Variants in DCC observed in about 807,000 individuals in gnomAD.
The protein encoded by DCC is netrin receptor DCC.
Under a neutral mutation model 172.5 loss-of-function variants are expected in DCC, and 58 were observed. The observed-to-expected ratio is 0.34, with a 90% CI of 0.27 to 0.42. DCC has a LOEUF of 0.42. Ranked by LOEUF, DCC falls within the 10% of genes least tolerant of loss-of-function variation. The pLI, the probability that DCC is intolerant of heterozygous loss-of-function variation, is 1.00. For synonymous variants in DCC, 709 were observed against 644.5 expected, an observed-to-expected ratio of 1.10 and a Z score of -1.52; for missense variants, 1,740 against 1,791.0, an observed-to-expected ratio of 0.97 and a Z score of 0.51.
chr18:52,488,755 C>T (rs549539862), intron 1 of DCC, among the ~76,000 whole-genome samples: 13 of 152,058 alleles, frequency 8.5e-5, no homozygotes, highest in South Asian at 8.3e-4. Context: ...TGTTTCTAGG[C>T]AGGAGGCATC....
At chr18:52,541,844 A>T (rs1391930113) in intron 1 of DCC, among the ~76,000 whole-genome samples, 4 of 132,032 alleles carry the variant, frequency 3.0e-5, no homozygotes, top group African/African-American at 8.2e-5. Context: ...ACATGAGAAG[A>T]GTGGCTTAAA....
At chr18:52,754,088 T>A (rs945468733) in intron 2 of DCC, 2 of 152,144 alleles carry the variant, frequency 1.3e-5, no homozygotes, top group African/African-American at 4.8e-5. Flanking sequence ...AGGTCCTACT[T>A]AGTCTAGTCT....
At chr18:52,352,600 C>A (rs768207) in intron 1 of DCC, among the ~76,000 whole-genome samples, 27,470 of 152,156 alleles carry the variant, frequency 0.18, 2,544 homozygotes, top group South Asian at 0.25. Context: ...ACTCAGCAGG[C>A]ACACCTAGAA....
At chr18:52,591,308 A>T (rs183208782) in intron 1 of DCC, among the ~76,000 whole-genome samples, 1 of 152,328 alleles carries the variant, frequency 6.6e-6, no homozygotes, top group African/African-American at 2.4e-5. Flanking sequence ...AATTTTTATT[A>T]TAACAAAAAT....
intron 12 of DCC, among the ~76,000 whole-genome samples, chr18:53,247,168 A>C (rs2056375283): frequency 6.6e-6 from 1 of 152,054 alleles, no homozygotes; most frequent in Non-Finnish European, 1.5e-5. Flanking sequence ...ATTACTTAAA[A>C]ATTGGACATT....
intron 2 of DCC, among the ~76,000 whole-genome samples, chr18:52,883,056 T>C (rs986874686): frequency 1.3e-5 from 2 of 152,154 alleles, no homozygotes; most frequent in African/African-American, 2.4e-5. Flanking sequence ...TTTTGTCTAA[T>C]ACAAGTATAG....
At chr18:52,405,466 G>T (rs934391606) in intron 1 of DCC, among the ~76,000 whole-genome samples, 5 of 149,470 alleles carry the variant, frequency 3.3e-5, no homozygotes, top group African/African-American at 9.8e-5. Flanking sequence ...GTCTTCTTTT[G>T]AGAAGTGTCT....
chr18:52,449,463 T>C (rs1179826058), intron 1 of DCC, among the ~76,000 whole-genome samples: 2 of 152,188 alleles, frequency 1.3e-5, no homozygotes, highest in African/African-American at 4.8e-5. Context: ...TCCTTAATGA[T>C]TTAGTGTAGG....
intron 21 of DCC, among the ~76,000 whole-genome samples, chr18:53,423,636 C>A (rs1910753711): frequency 6.6e-6 from 1 of 152,128 alleles, no homozygotes. Flanking sequence ...TCCTTTCTTA[C>A]CTTTCTTGTC....
At chr18:53,430,314 T>C (rs1201559091) in intron 21 of DCC, among the ~76,000 whole-genome samples, 1 of 152,168 alleles carries the variant, frequency 6.6e-6, no homozygotes, top group Non-Finnish European at 1.5e-5. Context: ...AGGGATTGAT[T>C]GTATGAACGT....
chr18:52,925,142 T>C lies in DCC; in HGVS notation c.849-92T>C, dbSNP rs946548724. On this transcript the variant is annotated intron_variant, in intron 4 of 28. Coordinates refer to ENST00000442544, the MANE Select transcript of DCC (RefSeq NM_005215.4). Reference sequence around the variant, plus strand: ...CACAGTTTCTTTCAAGTGTCTTAATTTGAGCTTTGGTGGAGGTCATTTAAA... The same window carrying C: ...CACAGTTTCTTTCAAGTGTCTTAATCTGAGCTTTGGTGGAGGTCATTTAAA... 8 of 1,272,446 alleles carry C rather than the reference T, an allele frequency of 6.3e-6. No individual in the cohort carries two copies. The East Asian group carries it at 1.6e-4, about 26-fold the overall frequency. The allele number at this position is 1,272,446 out of a possible 1,614,324, so 78.8% of individuals were successfully genotyped here.
chr18:52,777,395 A>C (rs2037453340), intron 2 of DCC, among the ~76,000 whole-genome samples: 1 of 152,124 alleles, frequency 6.6e-6, no homozygotes, highest in Non-Finnish European at 1.5e-5. Flanking sequence ...CTCCAATCTC[A>C]GTCTCCATAA....
At chr18:53,256,093 A>G (rs1296832711) in intron 12 of DCC, among the ~76,000 whole-genome samples, 2 of 151,938 alleles carry the variant, frequency 1.3e-5, no homozygotes, top group Non-Finnish European at 2.9e-5. Context: ...GTTTGAGTTC[A>G]TTGTAGATTC....
intron 1 of DCC, among the ~76,000 whole-genome samples, chr18:52,363,107 A>T (rs2144274545): frequency 6.6e-6 from 1 of 152,090 alleles, no homozygotes; most frequent in South Asian, 2.1e-4. Context: ...TGAACTCCTG[A>T]CCTCAAGTGA....
At chr18:53,060,005 A>C (rs1169214134) in intron 5 of DCC, among the ~76,000 whole-genome samples, 1 of 151,010 alleles carries the variant, frequency 6.6e-6, no homozygotes, top group Non-Finnish European at 1.5e-5. Flanking sequence ...TGAGACTTAG[A>C]CTCATTTTTT....
chr18:53,224,168 C>T (rs574851469), intron 12 of DCC, among the ~76,000 whole-genome samples: 3 of 152,056 alleles, frequency 2.0e-5, no homozygotes, highest in Admixed American at 6.6e-5. Context: ...AACAGTCATG[C>T]GATAGAATTT....
intron 7 of DCC, among the ~76,000 whole-genome samples, chr18:53,140,561 T>C (rs2043815333): frequency 6.6e-6 from 1 of 152,174 alleles, no homozygotes; most frequent in East Asian, 1.9e-4. Context: ...CATATCCTTA[T>C]CATTTAAATA....
At chr18:52,547,300 A>G (rs1163808847) in intron 1 of DCC, among the ~76,000 whole-genome samples, 1 of 152,100 alleles carries the variant, frequency 6.6e-6, no homozygotes, top group African/African-American at 2.4e-5. Context: ...TAAAAGCGAA[A>G]ATGTTGTTAC....
intron 8 of DCC, among the ~76,000 whole-genome samples, chr18:53,170,885 G>A (rs1308803513): frequency 1.3e-5 from 2 of 151,970 alleles, no homozygotes; most frequent in African/African-American, 4.8e-5. Context: ...TTTTGTTGTT[G>A]TTGTTTGTTT....
Sources: gnomAD v4.1 joint callset for allele counts (sites outside exome capture counted in the v4.1 genomes callset) on GRCh38, gnomAD v4.1.1 for gene constraint, MANE v1.5 for transcripts, NCBI Gene and HGNC (gene_info 2026-07-23, HGNC 2026-07-21) for gene names.